The following ERBB4 variants were observed in gnomAD, a reference collection of about 807,000 sequenced individuals.
The protein encoded by ERBB4 is erb-b2 receptor tyrosine kinase 4.
Under a neutral mutation model 158.0 loss-of-function variants are expected in ERBB4, and 42 were observed. The observed-to-expected ratio is 0.27, with a 90% CI of 0.21 to 0.34. The LOEUF is 0.34. Ranked by LOEUF, ERBB4 falls within the 10% of genes least tolerant of loss-of-function variation. The pLI, the probability that ERBB4 is intolerant of heterozygous loss-of-function variation, is 1.00. For synonymous variants in ERBB4, 583 were observed against 558.7 expected, an observed-to-expected ratio of 1.04 and a Z score of -0.61; for missense variants, 1,333 against 1,624.1, an observed-to-expected ratio of 0.82 and a Z score of 3.08.
chr2:211,754,797 T>G lies in ERBB4; in HGVS notation c.557-4093A>C, dbSNP rs546584329. ...CTCACTGCAACCTCCACCTCCCAGGTTCAAGCGATTCTCCTGCCTTAGCCT... is the reference window on the plus strand; with the variant it reads ...CTCACTGCAACCTCCACCTCCCAGGGTCAAGCGATTCTCCTGCCTTAGCCT... On this transcript the variant is annotated intron_variant, in intron 4 of 27. Transcript: ENST00000342788. Among the ~76,000 whole-genome samples the G allele has an allele frequency of 1.1e-4, 16 of 151,816 alleles. No individual in the cohort carries two copies. The South Asian group carries it at 3.3e-3, about 32-fold the overall frequency.
chr2:211,672,062 C>G (rs1445941741), intron 14 of ERBB4, among the ~76,000 whole-genome samples: 1 of 152,136 alleles, frequency 6.6e-6, no homozygotes, highest in Admixed American at 6.6e-5. Context: ...GTCCTCTGAA[C>G]TGGCCAATTT....
intron 4 of ERBB4, among the ~76,000 whole-genome samples, chr2:211,758,188 C>T (rs906325447): frequency 6.6e-6 from 1 of 152,090 alleles, no homozygotes; most frequent in Non-Finnish European, 1.5e-5. Flanking sequence ...ATACTAAATG[C>T]AATCTATTTC....
chr2:211,554,617 A>G (rs2125708045), intron 20 of ERBB4, among the ~76,000 whole-genome samples: 1 of 152,290 alleles, frequency 6.6e-6, no homozygotes, highest in East Asian at 1.9e-4. Context: ...CACAGTTCAT[A>G]TGCTTGCTTG....
intron 1 of ERBB4, among the ~76,000 whole-genome samples, chr2:212,364,118 C>T (rs1453738472): frequency 1.3e-5 from 2 of 151,638 alleles, no homozygotes; most frequent in Non-Finnish European, 2.9e-5. Flanking sequence ...CTGCAACTTT[C>T]CTTTCTTAAG....
intron 3 of ERBB4, among the ~76,000 whole-genome samples, chr2:211,835,661 A>G (rs1195963697): frequency 6.6e-6 from 1 of 152,110 alleles, no homozygotes; most frequent in Non-Finnish European, 1.5e-5. Flanking sequence ...CTTTCAAAGA[A>G]TTCAGTCTTT....
intron 1 of ERBB4, among the ~76,000 whole-genome samples, chr2:212,436,316 A>G (rs1416288475): frequency 6.6e-6 from 1 of 152,060 alleles, no homozygotes; most frequent in African/African-American, 2.4e-5. Flanking sequence ...AATAAATATG[A>G]CATCATTCTA....
At chr2:212,246,919 GC>G (rs1330818207) in intron 1 of ERBB4, among the ~76,000 whole-genome samples, 2 of 152,096 alleles carry the variant, frequency 1.3e-5, no homozygotes, top group African/African-American at 4.8e-5. Context: ...TTTTGGGAAT[GC>G]CTTATGTCTC....
intron 1 of ERBB4, among the ~76,000 whole-genome samples, chr2:212,475,202 C>A (rs894811643): frequency 6.6e-6 from 1 of 152,140 alleles, no homozygotes; most frequent in South Asian, 2.1e-4. Context: ...AGACAGGCAA[C>A]CTGTGCAGTC....
chr2:212,015,131 T>A (rs2076498900), intron 2 of ERBB4, among the ~76,000 whole-genome samples: 1 of 132,684 alleles, frequency 7.5e-6, no homozygotes, highest in South Asian at 2.4e-4. Context: ...CCGGGCATGG[T>A]GGCGGGTGCC....
At chr2:212,100,256 A>C (rs943918538) in intron 2 of ERBB4, among the ~76,000 whole-genome samples, 3 of 152,136 alleles carry the variant, frequency 2.0e-5, no homozygotes, top group Non-Finnish European at 4.4e-5. Context: ...ACTGCAAAAG[A>C]AGCAGCATCA....
At chr2:211,490,681 G>A (rs1277699251) in intron 20 of ERBB4, among the ~76,000 whole-genome samples, 2 of 152,154 alleles carry the variant, frequency 1.3e-5, no homozygotes, top group African/African-American at 4.8e-5. Context: ...TGGTTTGTGA[G>A]ACGAAGAAGT....
In ERBB4 at chr2:211,657,823, T is replaced by C; in HGVS notation, c.1877A>G (p.Asn626Ser). 6.2e-7 allele frequency: 1 copy of C among 1,613,810 alleles called. No individual in the cohort carries two copies. Among genetic ancestry groups the C allele is most frequent in the Non-Finnish European group, 8.5e-7 (1 of 1,179,812 alleles). The stretch of plus-strand genomic sequence containing the variant: ...AATGCAGTCATGACTAGTGGGACCG[T>C]TACACCTGCAGGCAATTACAGAACA... ...PCHPNCTQGC[N>S]GPTSHDCIYY... Residue 626 changes from asparagine (N) to serine (S), a missense_variant, in exon 16 of 28, where the codon AAC becomes AGC. Physicochemically the swap from Asn to Ser is conservative, Grantham distance 46. This residue lies in a region of ERBB4 where 245 missense variants were observed against 247.5 expected (regional missense o/e 0.99). Transcript: ENST00000342788.
intron 3 of ERBB4, among the ~76,000 whole-genome samples, chr2:211,802,026 G>A (rs1167398428): frequency 1.3e-5 from 2 of 152,144 alleles, no homozygotes; most frequent in Non-Finnish European, 2.9e-5. Context: ...TTGGGAGGCC[G>A]AGGCGGGCGG....
At chr2:211,801,083 A>G (rs1646931608) in intron 3 of ERBB4, among the ~76,000 whole-genome samples, 1 of 152,208 alleles carries the variant, frequency 6.6e-6, no homozygotes, top group Non-Finnish European at 1.5e-5. Flanking sequence ...ACCGAATTCC[A>G]TTCCCCTTAT....
rs74893819 is a variant in ERBB4, at chr2:211,836,265, T to C, written c.422-48106A>G. Among the ~76,000 whole-genome samples, 569 of 152,132 alleles carry C rather than the reference T, an allele frequency of 3.7e-3. 3 individuals are homozygous for C. The highest frequency in any genetic ancestry group is 0.013 in the African/African-American group (543 of 41,528). On this transcript the variant is annotated intron_variant, in intron 3 of 27. Coordinates refer to ENST00000342788, the MANE Select transcript of ERBB4 (RefSeq NM_005235.3). ...GGGTCTCAATATACAGTTTTACTCA[T>C]GGATAAAATTGATTACAGCAATGAA...
chr2:212,450,470 C>T (rs1006130627), intron 1 of ERBB4, among the ~76,000 whole-genome samples: 1 of 152,178 alleles, frequency 6.6e-6, no homozygotes, highest in East Asian at 1.9e-4. Context: ...GATGAGATTG[C>T]TGACTGGAGG....
At chr2:211,427,019 GAC>G (rs1474945339) in intron 22 of ERBB4, among the ~76,000 whole-genome samples, 8 of 151,880 alleles carry the variant, frequency 5.3e-5, no homozygotes, top group Non-Finnish European at 5.9e-5. Context: ...CTATACCTCA[GAC>G]ACACGACATT....
intron 4 of ERBB4, chr2:211,778,945 C>G (rs1249199551): frequency 6.6e-6 from 1 of 152,158 alleles, no homozygotes; most frequent in African/African-American, 2.4e-5. Context: ...GTGGGGGTGA[C>G]CTTATCTTGT....
chr2:212,521,725 G>A (rs890492910), intron 1 of ERBB4, among the ~76,000 whole-genome samples: 1 of 151,844 alleles, frequency 6.6e-6, no homozygotes, highest in Non-Finnish European at 1.5e-5. Flanking sequence ...TTTTAGATGG[G>A]ATGATTGAAG....
Sources: gnomAD v4.1 joint callset for allele counts (sites outside exome capture counted in the v4.1 genomes callset) on GRCh38, gnomAD v4.1.1 for gene constraint, gnomAD v4.1.1 regional missense constraint, MANE v1.5 for transcripts, NCBI Gene and HGNC (gene_info 2026-07-23, HGNC 2026-07-21) for gene names.